Variants in MTAP observed in about 807,000 individuals in gnomAD.
MTAP encodes the protein S-methyl-5'-thioadenosine phosphorylase.
A neutral mutation model predicts 33.6 loss-of-function variants in MTAP; 33 were observed. That is an observed-to-expected ratio of 0.98 (90% CI 0.74 to 1.31). MTAP has a LOEUF of 1.31. MTAP is among the 40% of genes most tolerant of loss of function. The pLI, the probability that MTAP is intolerant of heterozygous loss-of-function variation, is 0.00. For synonymous variants in MTAP, 148 were observed against 125.7 expected, an observed-to-expected ratio of 1.18 and a Z score of -1.19; for missense variants, 367 against 360.0, an observed-to-expected ratio of 1.02 and a Z score of -0.16.
chr9:21,877,814 G>A (rs1466062554), intron 1 of MTAP, among the ~76,000 whole-genome samples: 3 of 152,000 alleles, frequency 2.0e-5, no homozygotes, highest in African/African-American at 7.2e-5. Flanking sequence ...TTTGCCTGAA[G>A]TTTTCTTATT....
chr9:21,923,644 C>T (rs1818822277), intron 1 of MTAP, among the ~76,000 whole-genome samples: 2 of 152,054 alleles, frequency 1.3e-5, no homozygotes, highest in African/African-American at 2.4e-5. Context: ...GGACAGGGAA[C>T]CTCTAATACA....
chr9:21,855,355 TAG>T (rs758584397), intron 6 of MTAP, among the ~76,000 whole-genome samples: 4 of 152,172 alleles, frequency 2.6e-5, no homozygotes, highest in Non-Finnish European at 4.4e-5. Flanking sequence ...CGGATGGAGA[TAG>T]AAGTTAAGCA....
At chr9:21,817,031 G>T (rs549815974) in intron 3 of MTAP, among the ~76,000 whole-genome samples, 1 of 152,160 alleles carries the variant, frequency 6.6e-6, no homozygotes, top group Non-Finnish European at 1.5e-5. Context: ...AGTTCTAACT[G>T]CAAGAAGAAA....
intron 1 of MTAP, among the ~76,000 whole-genome samples, chr9:21,811,226 G>A (rs916017888): frequency 1.3e-5 from 2 of 152,128 alleles, no homozygotes; most frequent in African/African-American, 4.8e-5. Context: ...ACGGCAGTGT[G>A]CCCAGGCCTC....
chr9:21,836,331 A>G (rs895154650), intron 4 of MTAP, among the ~76,000 whole-genome samples: 1 of 152,220 alleles, frequency 6.6e-6, no homozygotes, highest in Non-Finnish European at 1.5e-5. Flanking sequence ...TTAACGTTGC[A>G]TGAAGCTTAA....
chr9:21,897,810 A>G (rs896017812), intron 1 of MTAP, among the ~76,000 whole-genome samples: 14 of 152,176 alleles, frequency 9.2e-5, no homozygotes, highest in Non-Finnish European at 1.8e-4. Flanking sequence ...TACTGCCCAC[A>G]GTAATTTATA....
At chr9:21,821,072 C>G (rs1425632650) in intron 4 of MTAP, among the ~76,000 whole-genome samples, 2 of 152,182 alleles carry the variant, frequency 1.3e-5, no homozygotes, top group Non-Finnish European at 2.9e-5. Context: ...CATCTGCAAA[C>G]AAGGACAATT....
chr9:21,910,929 G>T (rs1818566201), intron 1 of MTAP, among the ~76,000 whole-genome samples: 1 of 152,132 alleles, frequency 6.6e-6, no homozygotes, highest in African/African-American at 2.4e-5. Flanking sequence ...TAAAGGGTTG[G>T]AGGAAGATCT....
chr9:21,854,700 G>A lies in MTAP; in HGVS notation c.520G>A (p.Gly174Arg). Residue 174 changes from glycine to arginine, a missense_variant, in exon 6 of 8, where the codon GGA becomes AGA. Transcript: ENST00000644715. ...AAAGGGGACAATGGTCACAATCGAG[G>A]GACCTCGTTTTAGCTCCCGGGCAGA... ...HSKGTMVTIE[G>R]PRFSSRAESF... 5 of 1,614,026 alleles carry A rather than the reference G, an allele frequency of 3.1e-6. No individual in the cohort carries two copies. The highest frequency in any genetic ancestry group is 4.2e-6 in the Non-Finnish European group (5 of 1,179,924).
At chr9:21,928,807 GC>G (rs1372888507) in intron 1 of MTAP, among the ~76,000 whole-genome samples, 3 of 151,778 alleles carry the variant, frequency 2.0e-5, no homozygotes, top group Non-Finnish European at 4.4e-5. Flanking sequence ...AATCTGTATT[GC>G]CCCTAAGGCT....
intron 1 of MTAP, chr9:21,930,932 C>T (rs1818947943): frequency 3.0e-6 from 2 of 670,014 alleles, no homozygotes; most frequent in Middle Eastern, 4.8e-4. Context: ...CACATGTTAG[C>T]CTCTACTTTT....
chr9:21,910,572 A>C (rs1818556197), intron 1 of MTAP, among the ~76,000 whole-genome samples: 1 of 152,186 alleles, frequency 6.6e-6, no homozygotes, highest in Admixed American at 6.6e-5. Context: ...ATGGAAGTAA[A>C]TGATCCCGTG....
intron 5 of MTAP, among the ~76,000 whole-genome samples, chr9:21,840,083 A>C (rs1303870289): frequency 6.6e-6 from 1 of 152,112 alleles, no homozygotes; most frequent in Non-Finnish European, 1.5e-5. Flanking sequence ...AAAGTTAGCC[A>C]GGCATGGTGG....
At chr9:21,839,010 T>C (rs1246829849) in intron 5 of MTAP, among the ~76,000 whole-genome samples, 3 of 152,204 alleles carry the variant, frequency 2.0e-5, no homozygotes, top group Non-Finnish European at 4.4e-5. Flanking sequence ...TTCCTTATAG[T>C]TAACAGCAAG....
chr9:21,853,101 G>A (rs553903543), intron 5 of MTAP, among the ~76,000 whole-genome samples: 67 of 152,302 alleles, frequency 4.4e-4, no homozygotes, highest in African/African-American at 1.6e-3. Flanking sequence ...TATATTCATA[G>A]CCTCCATTTC....
intron 1 of MTAP, among the ~76,000 whole-genome samples, chr9:21,925,804 G>A (rs1341880572): frequency 6.6e-6 from 1 of 152,218 alleles, no homozygotes. Flanking sequence ...AGAGCTAAGG[G>A]CTGCTTTGGA....
intron 5 of MTAP, among the ~76,000 whole-genome samples, chr9:21,844,274 G>A (rs1299565749): frequency 1.3e-5 from 2 of 152,050 alleles, no homozygotes; most frequent in Non-Finnish European, 2.9e-5. Context: ...CAAGACCAGA[G>A]GGATTCACAG....
rs111359917 is a variant in MTAP at position 21,865,823 on chromosome 9, A to G, written c.*3809A>G. The G allele has an allele frequency of 3.3e-5, 33 of 997,662 alleles. No homozygotes were observed. The African/African-American group carries it at 4.0e-4, about 12-fold the overall frequency. 61.8% of individuals were successfully genotyped at this position (997,662 alleles called of 1,614,324 possible). On this transcript the variant is annotated 3_prime_UTR_variant, in exon 8 of 8. Transcript: ENST00000644715. The stretch of plus-strand genomic sequence containing the variant: ...TGTTTTGAAGATTCACTCATGTTGC[A>G]TGCATCTGTAGCTTGTGCCTTTTTT...
intron 5 of MTAP, among the ~76,000 whole-genome samples, chr9:21,841,358 T>C (rs1314501944): frequency 6.6e-6 from 1 of 152,208 alleles, no homozygotes; most frequent in Non-Finnish European, 1.5e-5. Flanking sequence ...ACAATAACCC[T>C]GATCCCAGGA....
Sources: gnomAD v4.1 joint callset for allele counts (sites outside exome capture counted in the v4.1 genomes callset) on GRCh38, gnomAD v4.1.1 for gene constraint, MANE v1.5 for transcripts, NCBI Gene and HGNC (gene_info 2026-07-23, HGNC 2026-07-21) for gene names.